The following USP15 variants were observed in gnomAD, a reference collection of about 807,000 sequenced individuals.
USP15 encodes ubiquitin carboxyl-terminal hydrolase 15.
Under a neutral mutation model 127.1 loss-of-function variants are expected in USP15, and 18 were observed. The ratio of observed to expected loss-of-function variants is 0.14; its 90% confidence interval spans 0.10 to 0.21. The LOEUF (loss-of-function observed/expected upper bound fraction) is 0.21. Ranked by LOEUF, USP15 falls within the 10% of genes least tolerant of loss-of-function variation. The pLI is 1.00. For synonymous variants in USP15, 364 were observed against 393.7 expected, an observed-to-expected ratio of 0.92 and a Z score of 0.89; for missense variants, 805 against 1,159.9, an observed-to-expected ratio of 0.69 and a Z score of 4.44.
chr12:62,301,843 A>T (rs999077848), intron 2 of USP15, among the ~76,000 whole-genome samples: 1 of 152,166 alleles, frequency 6.6e-6, no homozygotes, highest in East Asian at 1.9e-4. Flanking sequence ...CGTATCTGTT[A>T]ATTAAGACTA....
Position 62,404,177 on chromosome 12 carries a change from T to C in USP15, c.2764-16T>C. The C allele has an allele frequency of 6.3e-7, 1 of 1,582,434 alleles. No homozygotes were observed. The highest frequency in any genetic ancestry group is 1.2e-5 in the South Asian group (1 of 86,502). On this transcript the variant is annotated splice_polypyrimidine_tract_variant and intron_variant, in intron 21 of 21. Coordinates refer to ENST00000280377, the MANE Select transcript of USP15 (RefSeq NM_001252078.2). ...TTTGAGAATCATAACTGTTTTAACA[T>C]CCTTTGTTTTGACAGTCCAAAGCAG...
At position 62,412,096 on chromosome 12, in the gene USP15, A is replaced by G. The variant is rs562805105; in HGVS notation, c.*7721A>G. On this transcript the variant is annotated 3_prime_UTR_variant, in exon 22 of 22. Coordinates refer to ENST00000280377, the MANE Select transcript of USP15 (RefSeq NM_001252078.2). ...TCCCAGCCACCATAAATATTTAAAT[A>G]AAGTGAGTCACAAATTTTTTGGTTT... is the stretch of plus-strand genomic sequence containing the variant. 2 of 152,340 alleles carry G rather than the reference A, an allele frequency of 1.3e-5. No homozygotes were observed. The highest frequency in any genetic ancestry group is 4.8e-5 in the African/African-American group (2 of 41,590). 9.4% of individuals were successfully genotyped at this position (152,340 alleles called of 1,614,324 possible). A position where few individuals can be genotyped will look rare whatever the true frequency, so the allele number is the denominator to read the frequency against.
Position 62,409,469 on chromosome 12 carries a change from T to C in USP15, c.*5094T>C, listed in dbSNP as rs1408899586. On this transcript the variant is annotated 3_prime_UTR_variant, in exon 22 of 22. Coordinates refer to ENST00000280377, the MANE Select transcript of USP15 (RefSeq NM_001252078.2). Reference sequence around the variant, plus strand: ...GTAAAATAAGACCACACACTTTCAATATGCACAAAATATATTTTAAATGTT... The same window carrying C: ...GTAAAATAAGACCACACACTTTCAACATGCACAAAATATATTTTAAATGTT... 1 of 152,200 alleles carries C rather than the reference T, an allele frequency of 6.6e-6. No individual in the cohort carries two copies. Among genetic ancestry groups the C allele is most frequent in the Non-Finnish European group, 1.5e-5 (1 of 68,018 alleles). The allele number at this position is 152,200 out of a possible 1,614,324, so 9.4% of individuals were successfully genotyped here. A position where few individuals can be genotyped will look rare whatever the true frequency, so the allele number is the denominator to read the frequency against.
At chr12:62,270,228 T>C (rs1398789052) in intron 1 of USP15, among the ~76,000 whole-genome samples, 2 of 152,102 alleles carry the variant, frequency 1.3e-5, no homozygotes, top group Non-Finnish European at 2.9e-5. Context: ...ATTTTGTCTT[T>C]TTATTATTGC....
intron 7 of USP15, among the ~76,000 whole-genome samples, 196 bp downstream of exon 7, chr12:62,349,503 C>A (rs2065908919): frequency 6.6e-6 from 1 of 151,858 alleles, no homozygotes; most frequent in African/African-American, 2.4e-5. Flanking sequence ...AATACATATA[C>A]TGAAAGAAAT....
At position 62,403,369 on chromosome 12, in the gene USP15, G is replaced by C. The variant is rs147355140; in HGVS notation, c.2764-824G>C. On this transcript the variant is annotated intron_variant, in intron 21 of 21. Transcript: ENST00000280377. ...AAACCAAAGAGATAGTAGGAGATCTGAGTAGTGTTGTCACAGAAGCAAAAA... is the reference window on the plus strand; with the variant it reads ...AAACCAAAGAGATAGTAGGAGATCTCAGTAGTGTTGTCACAGAAGCAAAAA... 5.3e-5 allele frequency among the ~76,000 whole-genome samples: 8 copies of C among 152,160 alleles called. No individual in the cohort carries two copies. In the East Asian group the frequency reaches 1.5e-3, roughly 29 times the overall value.
intron 7 of USP15, among the ~76,000 whole-genome samples, chr12:62,350,978 A>G (rs1464833630): frequency 6.6e-6 from 1 of 152,120 alleles, no homozygotes; most frequent in South Asian, 2.1e-4. Context: ...TATGTAAATT[A>G]AAACCATGAA....
chr12:62,341,119 C>T (rs553051814), intron 6 of USP15, among the ~76,000 whole-genome samples: 4 of 151,996 alleles, frequency 2.6e-5, no homozygotes, highest in South Asian at 4.1e-4. Context: ...ATCCCTTTAC[C>T]GTTATGTAAT....
chr12:62,302,213 A>G (rs1432575005), intron 2 of USP15, among the ~76,000 whole-genome samples: 4 of 152,252 alleles, frequency 2.6e-5, no homozygotes, highest in African/African-American at 7.2e-5. Flanking sequence ...GTGTCATTGT[A>G]AAAGGTTGTT....
rs1334954622 is a variant in USP15, at chr12:62,391,415, A to G, written c.2219A>G (p.Gln740Arg). Residue 740 changes from glutamine (Q) to arginine (R), a missense_variant, in exon 16 of 22, where the codon CAG (glutamine) becomes CGG (arginine). By Grantham distance (43) the Gln-to-Arg change is conservative. Transcript: ENST00000280377. Reference sequence around the variant, plus strand: ...AGGCATATAAGATTTGATGATAGGCAGCTTAGGCTAGATGGTAAGTATTTG... The same window carrying G: ...AGGCATATAAGATTTGATGATAGGCGGCTTAGGCTAGATGGTAAGTATTTG... ...DTRHIRFDDR[Q>R]LRLDERSFLA... 6.2e-7 allele frequency: 1 copy of G among 1,609,702 alleles called. No individual in the cohort carries two copies. Among genetic ancestry groups the G allele is most frequent in the South Asian group, 1.1e-5 (1 of 90,242 alleles).
At chr12:62,344,223 T>C (rs2065739053) in intron 6 of USP15, among the ~76,000 whole-genome samples, 1 of 152,198 alleles carries the variant, frequency 6.6e-6, no homozygotes, top group South Asian at 2.1e-4. Flanking sequence ...AGTTAGTTAC[T>C]TCCTAGATAC....
In USP15 at chr12:62,391,214, C is replaced by T; in HGVS notation, c.2018C>T (p.Ser673Leu). Reference protein sequence around the residue: ...DESSQDQELPSENENSQSEDS... With the variant: ...DESSQDQELPLENENSQSEDS... ...TCCAGCCAGGATCAAGAACTTCCCT[C>T]AGAGAATGAAAACAGTCAGTCTGAA... The change falls in exon 16 of 22, where the codon TCA becomes TTA. Residue 673 changes from serine to leucine, a missense_variant. Transcript: ENST00000280377. The T allele has an allele frequency of 6.2e-7, 1 of 1,613,510 alleles. No homozygotes were observed. The highest frequency in any genetic ancestry group is 2.2e-5 in the East Asian group (1 of 44,810).
In USP15 at chr12:62,383,935, T is replaced by C. The variant is rs2067065209; in HGVS notation, c.1185T>C (p.Asp395=). The part of the protein sequence containing the change: ...LAFLLDGLHE[D]LNRIRKKPYI... ...TCCTATTAGATGGATTACATGAGGA[T>C]TTGAATAGAATTAGGAAAAAACCAT... The change falls in exon 10 of 22, where the codon GAT becomes GAC. Residue 395 remains aspartate (D), a synonymous_variant. Coordinates refer to ENST00000280377, the MANE Select transcript of USP15 (RefSeq NM_001252078.2). The C allele has an allele frequency of 1.2e-6, 2 of 1,612,892 alleles. No homozygotes were observed. Among genetic ancestry groups the C allele is most frequent in the Non-Finnish European group, 1.7e-6 (2 of 1,179,182 alleles).
At chr12:62,288,729 C>T (rs369682119) in intron 1 of USP15, among the ~76,000 whole-genome samples, 6 of 151,972 alleles carry the variant, frequency 3.9e-5, no homozygotes, top group African/African-American at 9.7e-5. Flanking sequence ...GTTGTAGTTT[C>T]GTTGTTTGTG....
chr12:62,335,481 TCTAC>T lies in USP15; in HGVS notation c.683+9551_683+9554del, dbSNP rs1430844654. 7 of 1,252,434 alleles carry T rather than the reference TCTAC, an allele frequency of 5.6e-6. No individual in the cohort carries two copies. The Middle Eastern group carries it at 1.5e-3, about 276-fold the overall frequency. 77.6% of individuals were successfully genotyped at this position (1,252,434 alleles called of 1,614,324 possible). On this transcript the variant is annotated intron_variant, in intron 6 of 21. Transcript: ENST00000280377. ...TACTATTTAAGGACAGTCCCTCTAC[TCTAC>T]CTGTAGTATTTATCTCAATGCTTCC...
At chr12:62,329,770 T>C (rs929977322) in intron 6 of USP15, among the ~76,000 whole-genome samples, 1 of 152,174 alleles carries the variant, frequency 6.6e-6, no homozygotes, top group Non-Finnish European at 1.5e-5. Context: ...ATGACAAATA[T>C]TTAAAAGTTT....
At chr12:62,341,869 T>A (rs937966235) in intron 6 of USP15, among the ~76,000 whole-genome samples, 1 of 152,200 alleles carries the variant, frequency 6.6e-6, no homozygotes, top group Non-Finnish European at 1.5e-5. Flanking sequence ...GGGGTTGATC[T>A]TCTCATGGAG....
intron 11 of USP15, 25 bp downstream of exon 11, chr12:62,384,327 G>GTTTTTTTTTTTTTTTTT: frequency 9.5e-7 from 1 of 1,055,232 alleles, no homozygotes; most frequent in Non-Finnish European, 1.3e-6. Flanking sequence ...GGTTTGTTTT[G>GTTTTTTTTTTTTTTTTT]TTTTTTTTTT....
intron 1 of USP15, among the ~76,000 whole-genome samples, chr12:62,278,452 T>C (rs2063554581): frequency 6.6e-6 from 1 of 152,206 alleles, no homozygotes; most frequent in Non-Finnish European, 1.5e-5. Context: ...TGCTATACTG[T>C]TGTAAGATTG....
Sources: gnomAD v4.1 joint callset for allele counts (sites outside exome capture counted in the v4.1 genomes callset) on GRCh38, gnomAD v4.1.1 for gene constraint, MANE v1.5 for transcripts, NCBI Gene and HGNC (gene_info 2026-07-23, HGNC 2026-07-21) for gene names.